Variants in NRG3 observed in about 807,000 individuals in gnomAD.
The protein encoded by NRG3 is neuregulin 3.
In NRG3, 31 loss-of-function variants were observed where a neutral mutation model predicts 66.9. The observed-to-expected ratio is 0.46, with a 90% confidence interval of 0.35 to 0.63. The LOEUF (loss-of-function observed/expected upper bound fraction) is 0.63. NRG3 is among the 20% of genes least tolerant of loss of function. The probability of loss-of-function intolerance (pLI) is 0.00; values close to 1 mark genes in which losing one functional copy is unlikely to be tolerated. For missense variants in NRG3, 910 were observed against 878.9 expected (o/e 1.04, Z -0.45); for synonymous variants, 393 against 359.4 (o/e 1.09, Z -1.06).
chr10:82,874,277 T>C (rs1378249948), intron 4 of NRG3, among the ~76,000 whole-genome samples: 1 of 152,124 alleles, frequency 6.6e-6, no homozygotes, highest in East Asian at 1.9e-4. Context: ...AGAGCTACCC[T>C]GCATATTGTA....
intron 1 of NRG3, among the ~76,000 whole-genome samples, chr10:82,087,428 C>T (rs1385614497): frequency 2.0e-5 from 3 of 152,026 alleles, no homozygotes; most frequent in Non-Finnish European, 2.9e-5. Context: ...GAGGGATGAA[C>T]ACAGTAAATA....
At chr10:82,704,945 C>G (rs1212907319) in intron 2 of NRG3, among the ~76,000 whole-genome samples, 1 of 152,122 alleles carries the variant, frequency 6.6e-6, no homozygotes, top group Non-Finnish European at 1.5e-5. Context: ...ACACATACAC[C>G]TATCTTGTGC....
intron 4 of NRG3, among the ~76,000 whole-genome samples, chr10:82,933,771 T>C (rs1038253624): frequency 2.6e-5 from 4 of 152,210 alleles, no homozygotes; most frequent in Non-Finnish European, 1.5e-5. Context: ...GGAAAGGAGA[T>C]ATATTTTCAA....
intron 2 of NRG3, among the ~76,000 whole-genome samples, chr10:82,732,004 C>A (rs2057933147): frequency 6.6e-6 from 1 of 152,102 alleles, no homozygotes; most frequent in African/African-American, 2.4e-5. Flanking sequence ...ATTAAGTGTT[C>A]TCACCACAAA....
intron 4 of NRG3, among the ~76,000 whole-genome samples, chr10:82,897,767 G>A (rs952105123): frequency 4.6e-5 from 7 of 152,056 alleles, no homozygotes; most frequent in Admixed American, 6.6e-5. Context: ...TGATCCACCC[G>A]CCTCAGCCTC....
In NRG3 at chr10:82,187,788, T is replaced by A. The variant is rs12244501; in HGVS notation, c.824-170951T>A. On this transcript the variant is annotated intron_variant, in intron 1 of 8. Transcript: ENST00000372141. ...GATCGTATTCTATAATTGACTATGT[T>A]TTACTTAGATGGCATTACTGAATGT... is the stretch of plus-strand genomic sequence containing the variant. Among the ~76,000 whole-genome samples the A allele has an allele frequency of 7.9e-3, 1,206 of 152,274 alleles. 10 individuals carry two copies. Among genetic ancestry groups the A allele is most frequent in the African/African-American group, 0.028 (1,145 of 41,556 alleles).
intron 1 of NRG3, among the ~76,000 whole-genome samples, chr10:82,301,610 A>T (rs2080403204): frequency 6.6e-6 from 1 of 150,538 alleles, no homozygotes; most frequent in African/African-American, 2.4e-5. Flanking sequence ...TATTTTTATC[A>T]CATTTTCTTT....
At chr10:82,043,001 A>G (rs1013650280) in intron 1 of NRG3, among the ~76,000 whole-genome samples, 2 of 151,940 alleles carry the variant, frequency 1.3e-5, no homozygotes, top group African/African-American at 4.8e-5. Flanking sequence ...ATTCTGCTAT[A>G]TTTGTCATTA....
intron 2 of NRG3, among the ~76,000 whole-genome samples, chr10:82,698,285 T>C (rs2055558796): frequency 6.6e-6 from 1 of 152,038 alleles, no homozygotes. Context: ...ATGAGAAAAT[T>C]AGAAAAAAGT....
chr10:82,055,322 A>C (rs1469166497), intron 1 of NRG3, among the ~76,000 whole-genome samples: 3 of 151,526 alleles, frequency 2.0e-5, no homozygotes, highest in Non-Finnish European at 4.4e-5. Context: ...TAAAAATACA[A>C]AAAAAATAGC....
intron 3 of NRG3, among the ~76,000 whole-genome samples, chr10:82,747,110 C>T (rs1201673761): frequency 6.6e-6 from 1 of 151,990 alleles, no homozygotes; most frequent in Non-Finnish European, 1.5e-5. Context: ...AAAAAAGGAA[C>T]ACCATCAGGA....
At chr10:82,398,789 G>A (rs1430895723) in intron 2 of NRG3, among the ~76,000 whole-genome samples, 5 of 152,072 alleles carry the variant, frequency 3.3e-5, no homozygotes, top group Middle Eastern at 3.4e-3. Flanking sequence ...CAAAAATTCC[G>A]CCAGTGATCA....
chr10:82,686,470 G>C (rs145696434), intron 2 of NRG3, among the ~76,000 whole-genome samples: 18 of 152,056 alleles, frequency 1.2e-4, no homozygotes, highest in African/African-American at 4.3e-4. Flanking sequence ...TTATAGGCAC[G>C]AGCCACCGCG....
intron 1 of NRG3, among the ~76,000 whole-genome samples, chr10:82,051,073 C>A (rs1057205731): frequency 6.6e-6 from 1 of 152,042 alleles, no homozygotes; most frequent in African/African-American, 2.4e-5. Flanking sequence ...ATCGAGAATT[C>A]TTCAAATTGA....
At chr10:82,837,012 G>A (rs2348552) in intron 3 of NRG3, among the ~76,000 whole-genome samples, 28,874 of 151,938 alleles carry the variant, frequency 0.19, 2,957 homozygotes, top group East Asian at 0.32. Context: ...TTGTCCTTGC[G>A]ATAGTTTGCT....
rs538713023 is a variant in NRG3 at position 82,959,085 on chromosome 10, A to C, written c.1284+10A>C. Reference sequence around the variant, plus strand: ...TGTCCAGCTGCAAAATGTAAGTGACATGTCTACACACCTCCTCCTATAGCC... The same window carrying C: ...TGTCCAGCTGCAAAATGTAAGTGACCTGTCTACACACCTCCTCCTATAGCC... On this transcript the variant is annotated intron_variant, in intron 6 of 8. Transcript: ENST00000372141. The C allele has an allele frequency of 2.3e-5, 37 of 1,588,876 alleles. 1 individual carries two copies. The Admixed American group carries it at 5.7e-4, about 24-fold the overall frequency.
intron 2 of NRG3, among the ~76,000 whole-genome samples, chr10:82,473,171 T>C (rs1434953446): frequency 6.6e-6 from 1 of 152,222 alleles, no homozygotes; most frequent in African/African-American, 2.4e-5. Flanking sequence ...GCGCACCAGC[T>C]TGCTTTTCTG....
intron 1 of NRG3, among the ~76,000 whole-genome samples, chr10:82,051,307 T>C (rs927140413): frequency 7.0e-6 from 1 of 142,112 alleles, no homozygotes; most frequent in Non-Finnish European, 1.6e-5. Context: ...TAGCTCTGAC[T>C]CTGCCACTTA....
At chr10:82,670,161 C>T (rs2053152058) in intron 2 of NRG3, among the ~76,000 whole-genome samples, 1 of 152,096 alleles carries the variant, frequency 6.6e-6, no homozygotes, top group Non-Finnish European at 1.5e-5. Flanking sequence ...TCACCCTACT[C>T]TCCCTCCCTC....
Sources: allele counts gnomAD v4.1 joint callset (sites outside exome capture counted in the v4.1 genomes callset), GRCh38; gene constraint gnomAD v4.1.1; transcripts MANE v1.5; gene names NCBI Gene and HGNC (gene_info 2026-07-23, HGNC 2026-07-21).